The following ACBD6 variants were observed in gnomAD, a reference collection of about 807,000 sequenced individuals.
The protein encoded by ACBD6 is acyl-CoA-binding domain-containing protein 6.
In ACBD6, 28 loss-of-function variants were observed where a neutral mutation model predicts 37.2. The observed-to-expected ratio is 0.75, with a 90% CI of 0.56 to 1.03. The LOEUF (loss-of-function observed/expected upper bound fraction) is 1.03. Among genes scored for constraint, ACBD6 ranks in the 50% least tolerant of loss-of-function variants. ACBD6 has a pLI of 0.00. For missense variants in ACBD6, 340 were observed against 337.4 expected (o/e 1.01, Z -0.06); for synonymous variants, 113 against 126.8 (o/e 0.89, Z 0.73).
chr1:180,376,309 CCAGTAATTCCACTTA>C (rs2101921293), intron 6 of ACBD6, among the ~76,000 whole-genome samples: 1 of 152,274 alleles, frequency 6.6e-6, no homozygotes, highest in Admixed American at 6.5e-5. Flanking sequence ...ACCTTTTCAC[CCAGTAATTCCACTTA>C]CAGGAATCTA....
chr1:180,417,661 T>C (rs1648153643), intron 4 of ACBD6, among the ~76,000 whole-genome samples: 1 of 152,216 alleles, frequency 6.6e-6, no homozygotes, highest in Admixed American at 6.5e-5. Context: ...GCCAATTTTA[T>C]TATTCCTACT....
At chr1:180,489,923 T>A (rs919887508) in intron 3 of ACBD6, among the ~76,000 whole-genome samples, 1 of 152,176 alleles carries the variant, frequency 6.6e-6, no homozygotes, top group Admixed American at 6.5e-5. Flanking sequence ...CCTCCCAAAG[T>A]GTTGGGATTA....
intron 1 of ACBD6, among the ~76,000 whole-genome samples, chr1:180,496,676 A>G (rs1651752094): frequency 6.6e-6 from 1 of 152,186 alleles, no homozygotes; most frequent in Non-Finnish European, 1.5e-5. Flanking sequence ...TGAATTCATA[A>G]CAATTACCAC....
At chr1:180,281,003 T>A (rs566227393) in intron 9 of ACBD6, among the ~76,000 whole-genome samples, 1 of 152,358 alleles carries the variant, frequency 6.6e-6, no homozygotes, top group East Asian at 1.9e-4. Context: ...CTTTTCAACA[T>A]ACTATCAACT....
chr1:180,347,284 T>G (rs1652221130), intron 6 of ACBD6, among the ~76,000 whole-genome samples: 1 of 150,784 alleles, frequency 6.6e-6, no homozygotes, highest in Non-Finnish European at 1.5e-5. Flanking sequence ...TTTGCTTCTA[T>G]ACGGCTACAC....
At chr1:180,293,455 C>T (rs952598027) in intron 7 of ACBD6, among the ~76,000 whole-genome samples, 3 of 152,016 alleles carry the variant, frequency 2.0e-5, no homozygotes, top group Admixed American at 6.5e-5. Flanking sequence ...TTACAGGCAC[C>T]CACCACCACA....
chr1:180,467,469 A>C (rs1358826146), intron 3 of ACBD6, among the ~76,000 whole-genome samples: 1 of 148,382 alleles, frequency 6.7e-6, no homozygotes, highest in Non-Finnish European at 1.5e-5. Flanking sequence ...AAAAAAAAAA[A>C]AAACAAAAAC....
At chr1:180,436,556 A>C (rs1327952261) in intron 3 of ACBD6, among the ~76,000 whole-genome samples, 1 of 152,180 alleles carries the variant, frequency 6.6e-6, no homozygotes, top group Non-Finnish European at 1.5e-5. Flanking sequence ...CCCTTGCACC[A>C]GAGTATGAAA....
intron 3 of ACBD6, among the ~76,000 whole-genome samples, chr1:180,443,555 C>T (rs938313945): frequency 6.6e-6 from 1 of 152,128 alleles, no homozygotes; most frequent in African/African-American, 2.4e-5. Context: ...CTCCTTGCAG[C>T]CTGGAAAATG....
exon 14 of ACBD6, chr1:180,270,920 C>A: frequency 4.0e-6 from 1 of 252,508 alleles, no homozygotes; most frequent in South Asian, 4.6e-5. Context: ...GCAAAGGTGA[C>A]ATGGCTGTGG....
chr1:180,404,175 T>C (rs1281067049), intron 5 of ACBD6, among the ~76,000 whole-genome samples: 4 of 152,024 alleles, frequency 2.6e-5, no homozygotes, highest in African/African-American at 4.8e-5. Context: ...GGTCTCAAAC[T>C]CCTGACCTCA....
intron 3 of ACBD6, among the ~76,000 whole-genome samples, chr1:180,441,716 CTGATCTTA>C (rs553773004): frequency 3.7e-4 from 57 of 152,306 alleles, no homozygotes; most frequent in Admixed American, 1.6e-3. Context: ...TTTCTGCATG[CTGATCTTA>C]TGATCTTATA....
intron 3 of ACBD6, among the ~76,000 whole-genome samples, chr1:180,462,228 C>T (rs943350302): frequency 6.6e-6 from 1 of 152,042 alleles, no homozygotes; most frequent in East Asian, 1.9e-4. Flanking sequence ...CACAGTGAGA[C>T]TCCGTCTCAA....
At chr1:180,467,474 A>C (rs1163599707) in intron 3 of ACBD6, among the ~76,000 whole-genome samples, 1 of 141,006 alleles carries the variant, frequency 7.1e-6, no homozygotes, top group African/African-American at 2.6e-5. Context: ...AAAAAAAAAC[A>C]AAAACAAACA....
chr1:180,474,158 T>C (rs1650683082), intron 3 of ACBD6, among the ~76,000 whole-genome samples: 1 of 152,166 alleles, frequency 6.6e-6, no homozygotes, highest in South Asian at 2.1e-4. Flanking sequence ...AATTTATTCA[T>C]AATTCTGCTA....
intron 3 of ACBD6, 121 bp from the exon 4 acceptor site, chr1:180,430,383 T>G: frequency 1.2e-6 from 1 of 826,942 alleles, no homozygotes; most frequent in Non-Finnish European, 2.0e-6. Context: ...CAACCATCTC[T>G]TCAAACCCTA....
intron 3 of ACBD6, among the ~76,000 whole-genome samples, chr1:180,485,108 A>G (rs1268255821): frequency 2.0e-5 from 3 of 151,982 alleles, no homozygotes; most frequent in Non-Finnish European, 4.4e-5. Context: ...ATCTATAGAT[A>G]CATACATTTG....
chr1:180,302,261 T>A (rs1650160724), intron 7 of ACBD6, among the ~76,000 whole-genome samples: 1 of 152,160 alleles, frequency 6.6e-6, no homozygotes. Context: ...TTTTATGCAT[T>A]CATGACATGT....
chr1:180,269,727 A>G (rs1648521572), exon 14 of ACBD6: 3 of 152,224 alleles, frequency 2.0e-5, no homozygotes, highest in Non-Finnish European at 1.5e-5. Context: ...CATTTGCATA[A>G]TTCAAAGTTG....
Sources: allele counts gnomAD v4.1 joint callset (sites outside exome capture counted in the v4.1 genomes callset), GRCh38; gene constraint gnomAD v4.1.1; transcripts MANE v1.5; gene names NCBI Gene and HGNC (gene_info 2026-07-23, HGNC 2026-07-21).